Variants in GPC5 observed in about 807,000 individuals in gnomAD.
GPC5 encodes glypican-5.
Under a neutral mutation model 53.9 loss-of-function variants are expected in GPC5, and 47 were observed. That is an observed-to-expected ratio of 0.87 (90% confidence interval 0.69 to 1.11). GPC5 has a LOEUF of 1.11. Among genes scored for constraint, GPC5 ranks in the 50% most tolerant of loss-of-function variants. The probability of loss-of-function intolerance (pLI) is 0.00; values close to 1 mark genes in which losing one functional copy is unlikely to be tolerated. For synonymous variants in GPC5, 286 were observed against 263.3 expected, an observed-to-expected ratio of 1.09 and a Z score of -0.84; for missense variants, 748 against 713.1, an observed-to-expected ratio of 1.05 and a Z score of -0.56.
At chr13:92,759,185 T>G (rs1357043876) in intron 7 of GPC5, among the ~76,000 whole-genome samples, 1 of 150,228 alleles carries the variant, frequency 6.7e-6, no homozygotes, top group African/African-American at 2.5e-5. Flanking sequence ...TCAGTAAGGG[T>G]AATACCTCCA....
At chr13:91,432,662 T>C (rs534733128) in intron 1 of GPC5, among the ~76,000 whole-genome samples, 59 of 152,310 alleles carry the variant, frequency 3.9e-4, no homozygotes, top group African/African-American at 1.3e-3. Flanking sequence ...TTAATACTTT[T>C]CTGATTTTTT....
intron 6 of GPC5, among the ~76,000 whole-genome samples, chr13:92,068,369 A>T (rs1337510730): frequency 1.3e-5 from 2 of 151,834 alleles, no homozygotes; most frequent in African/African-American, 4.8e-5. Flanking sequence ...ATGTGCTCAT[A>T]TTGTAACCGG....
intron 7 of GPC5, among the ~76,000 whole-genome samples, chr13:92,666,434 G>C (rs918545255): frequency 3.9e-5 from 6 of 152,080 alleles, no homozygotes; most frequent in Admixed American, 3.3e-4. Context: ...GCATGTTTCT[G>C]CTGGCTTTTC....
chr13:92,448,285 T>C (rs761594955), intron 7 of GPC5: 11 of 152,180 alleles, frequency 7.2e-5, no homozygotes, highest in Non-Finnish European at 1.5e-4. Flanking sequence ...TATTGTATAT[T>C]CATGCATTTT....
chr13:91,463,603 C>T (rs9560805), intron 2 of GPC5, among the ~76,000 whole-genome samples: 3 of 152,050 alleles, frequency 2.0e-5, no homozygotes, highest in Non-Finnish European at 2.9e-5. Context: ...GGGATAGACA[C>T]GTAGAACAGA....
intron 6 of GPC5, among the ~76,000 whole-genome samples, chr13:92,051,888 T>C (rs985879413): frequency 6.6e-6 from 1 of 152,192 alleles, no homozygotes; most frequent in Non-Finnish European, 1.5e-5. Flanking sequence ...ACTCTTTTTT[T>C]AGAGAGCTGA....
chr13:91,572,096 TGTGTATATACACACATGTATATATAC>T (rs2031906865), intron 2 of GPC5, among the ~76,000 whole-genome samples: 2 of 128,304 alleles, frequency 1.6e-5, no homozygotes, highest in Non-Finnish European at 3.5e-5. Flanking sequence ...TGTACATGTG[TGTGTATATACACACATGTATATATAC>T]GTGTGTATAT....
chr13:92,842,022 C>T (rs1223669874), intron 7 of GPC5, among the ~76,000 whole-genome samples: 2 of 152,134 alleles, frequency 1.3e-5, no homozygotes, highest in African/African-American at 4.8e-5. Flanking sequence ...TGGTCTTGGT[C>T]TTCCATTCAA....
At chr13:92,437,581 C>T (rs1437170236) in intron 7 of GPC5, among the ~76,000 whole-genome samples, 2 of 152,128 alleles carry the variant, frequency 1.3e-5, no homozygotes, top group African/African-American at 4.8e-5. Context: ...TCATTTCACA[C>T]AGTTGAACTC....
At chr13:92,559,404 A>G (rs763222264) in intron 7 of GPC5, among the ~76,000 whole-genome samples, 40 of 150,714 alleles carry the variant, frequency 2.7e-4, no homozygotes, top group Admixed American at 1.3e-3. Context: ...TATTTTCTGC[A>G]TACTATGATG....
At chr13:92,564,461 A>G (rs1403359664) in intron 7 of GPC5, among the ~76,000 whole-genome samples, 1 of 151,924 alleles carries the variant, frequency 6.6e-6, no homozygotes, top group Non-Finnish European at 1.5e-5. Flanking sequence ...CATTGTTATT[A>G]TTTTTGTGTC....
intron 7 of GPC5, among the ~76,000 whole-genome samples, chr13:92,350,233 T>C (rs1342371174): frequency 6.6e-6 from 1 of 152,138 alleles, no homozygotes; most frequent in East Asian, 1.9e-4. Flanking sequence ...AGAGTGTACC[T>C]GAACACATTT....
intron 7 of GPC5, among the ~76,000 whole-genome samples, chr13:92,185,847 G>C (rs1223644351): frequency 6.6e-6 from 1 of 152,030 alleles, no homozygotes; most frequent in Non-Finnish European, 1.5e-5. Flanking sequence ...TAGGTTCTCA[G>C]TGAACTCTGG....
At chr13:91,553,752 C>A (rs993553685) in intron 2 of GPC5, among the ~76,000 whole-genome samples, 1 of 151,968 alleles carries the variant, frequency 6.6e-6, no homozygotes, top group African/African-American at 2.4e-5. Flanking sequence ...TAATTACTTA[C>A]TCTCATTAAA....
At chr13:92,776,269 CCT>C (rs1014494029) in intron 7 of GPC5, among the ~76,000 whole-genome samples, 1 of 152,088 alleles carries the variant, frequency 6.6e-6, no homozygotes, top group African/African-American at 2.4e-5. Flanking sequence ...TCTCTTCCTC[CCT>C]CTGTCTCCTT....
chr13:91,630,849 T>C (rs1297033013), intron 2 of GPC5, among the ~76,000 whole-genome samples: 1 of 152,160 alleles, frequency 6.6e-6, no homozygotes, highest in South Asian at 2.1e-4. Context: ...TTTTGTTTTT[T>C]GTTTTTGTTT....
chr13:92,326,276 T>A (rs1033827155), intron 7 of GPC5, among the ~76,000 whole-genome samples: 1 of 152,056 alleles, frequency 6.6e-6, no homozygotes. Flanking sequence ...ATTTCAGACT[T>A]GTACAATAAA....
At chr13:92,115,816 C>A (rs2041596237) in intron 6 of GPC5, among the ~76,000 whole-genome samples, 1 of 152,112 alleles carries the variant, frequency 6.6e-6, no homozygotes, top group East Asian at 1.9e-4. Context: ...CCCCCACCCC[C>A]ACCGCAAAAT....
intron 7 of GPC5, among the ~76,000 whole-genome samples, chr13:92,363,576 A>G (rs1481263305): frequency 6.6e-6 from 1 of 151,674 alleles, no homozygotes; most frequent in Non-Finnish European, 1.5e-5. Flanking sequence ...AGCTCAGTGG[A>G]TAATGCTTGC....
Sources: gnomAD v4.1 joint callset for allele counts (sites outside exome capture counted in the v4.1 genomes callset) on GRCh38, gnomAD v4.1.1 for gene constraint, MANE v1.5 for transcripts, NCBI Gene and HGNC (gene_info 2026-07-23, HGNC 2026-07-21) for gene names.